Variants in UTP20 observed in about 807,000 individuals in gnomAD.
The protein encoded by UTP20 is small subunit processome component 20 homolog.
UTP20 carries 164 observed loss-of-function variants against 329.5 expected under a neutral mutation model. The observed-to-expected ratio is 0.50, with a 90% CI of 0.44 to 0.57. The LOEUF is 0.57. UTP20 is among the 20% of genes least tolerant of loss of function. The pLI is 0.00. For synonymous variants in UTP20, 1,151 were observed against 1,159.3 expected (o/e 0.99, Z 0.14); for missense variants, 3,055 against 3,284.2 (o/e 0.93, Z 1.71).
At chr12:101,381,082 T>C in intron 57 of UTP20, 58 bp from the exon 58 acceptor site, 1 of 1,445,850 alleles carries the variant, frequency 6.9e-7, no homozygotes, top group Non-Finnish European at 9.7e-7. Context: ...TTTAGCTTTT[T>C]AAAAACAATC....
chr12:101,332,147 G>A (rs1868779685), intron 27 of UTP20, among the ~76,000 whole-genome samples: 1 of 152,106 alleles, frequency 6.6e-6, no homozygotes, highest in Non-Finnish European at 1.5e-5. Flanking sequence ...AGACCAGCCT[G>A]ACCAACATGG....
Position 101,363,672 on chromosome 12 carries a change from G to A in UTP20, c.5887G>A (p.Asp1963Asn), listed in dbSNP as rs867034932. The A allele has an allele frequency of 5.0e-6, 8 of 1,613,210 alleles. No homozygotes were observed. The African/African-American group carries it at 5.3e-5, about 11-fold the overall frequency. ...GGAAGCACGAAGAAGCAAAAGTTAC[G>A]ACTCTTATGAAATCCTCGGCAAGTT... The part of the protein sequence containing the change: ...VMEARRSKSY[D>N]SYEILGKFVG... The change falls in exon 45 of 62, where the codon GAC (aspartate) becomes AAC (asparagine). Residue 1963 changes from aspartate (D) to asparagine (N), a missense_variant. By Grantham distance (23) the Asp-to-Asn change is conservative (BLOSUM62 1). Coordinates refer to ENST00000261637, the MANE Select transcript of UTP20 (RefSeq NM_014503.3).
At chr12:101,381,795 C>T (rs1870653441) in intron 58 of UTP20, among the ~76,000 whole-genome samples, 1 of 151,752 alleles carries the variant, frequency 6.6e-6, no homozygotes, top group Non-Finnish European at 1.5e-5. Flanking sequence ...GAGGCAGGTG[C>T]ATCACTTGAG....
chr12:101,351,831 G>A (rs569397098), intron 38 of UTP20, among the ~76,000 whole-genome samples: 1 of 152,236 alleles, frequency 6.6e-6, no homozygotes, highest in Admixed American at 6.5e-5. Context: ...AGGTCTGAGT[G>A]GAAAAGAGTC....
chr12:101,304,916 C>T (rs977254068), intron 15 of UTP20, among the ~76,000 whole-genome samples: 5 of 152,168 alleles, frequency 3.3e-5, no homozygotes, highest in East Asian at 1.9e-4. Flanking sequence ...ATGGCCTCCT[C>T]GATGTTCCTG....
rs2121068364 is a variant in UTP20 at position 101,383,122 on chromosome 12, G to C, written c.7738G>C (p.Glu2580Gln). The C allele has an allele frequency of 6.2e-7, 1 of 1,613,476 alleles. No homozygotes were observed. The highest frequency in any genetic ancestry group is 1.1e-5 in the South Asian group (1 of 91,014). ...YCEDKQSKIK[E>Q]DLEEQEALED... ...TGAGGATAAGCAAAGTAAGATAAAA[G>C]AAGACCTGGAAGAACAAGAAGCTTT... Residue 2580 changes from glutamate to glutamine, a missense_variant, in exon 59 of 62, where the codon GAA becomes CAA. By Grantham distance (29) the Glu-to-Gln change is conservative. Around this residue, in one of 3 missense-constraint regions of UTP20, gnomAD observed 337 missense variants for 345.5 expected, o/e 0.98. Transcript: ENST00000261637.
intron 20 of UTP20, 28 bp downstream of exon 20, chr12:101,311,826 C>T (rs374902937): frequency 2.0e-5 from 31 of 1,588,240 alleles, no homozygotes; most frequent in South Asian, 3.5e-5. Context: ...GAGGAAGCTG[C>T]GAAGAAAAGT....
rs762629718 is a variant in UTP20 at position 101,300,032 on chromosome 12, T to G, written c.1646T>G (p.Met549Arg). 19 of 1,614,228 alleles carry G rather than the reference T, an allele frequency of 1.2e-5. 1 individual carries two copies. The South Asian group carries it at 1.9e-4, about 16-fold the overall frequency. Residue 549 changes from methionine to arginine, a missense_variant, in exon 14 of 62, where the codon ATG becomes AGG. Around this residue, in one of 3 missense-constraint regions of UTP20, gnomAD observed 2,445 missense variants for 2,575.5 expected, o/e 0.95. Transcript: ENST00000261637. ...LVTGFIEALF[M>R]TVDKGSFGKG... The stretch of plus-strand genomic sequence containing the variant: ...ACCGGCTTCATAGAGGCACTCTTCA[T>G]GACTGTTGACAAAGGAAGCTTTGGG...
intron 12 of UTP20, among the ~76,000 whole-genome samples, chr12:101,297,382 A>C (rs1593421494): frequency 1.3e-5 from 2 of 151,982 alleles, no homozygotes; most frequent in South Asian, 4.2e-4. Context: ...TGCCCAGCTA[A>C]TTTTTTAATT....
chr12:101,379,603 T>C, intron 57 of UTP20, 45 bp downstream of exon 57: 6 of 1,563,412 alleles, frequency 3.8e-6, no homozygotes, highest in South Asian at 2.4e-5. Context: ...GACTGTAAGA[T>C]GTTCCTTCTG....
rs779263963 is a variant in UTP20 at position 101,369,900 on chromosome 12, T to C, written c.6555+9T>C. Reference sequence around the variant, plus strand: ...TGGTCAATTGTTTCAAGGTGAGATGTCTTCACTTGCCCTTGGAAAAAGCCA... The same window carrying C: ...TGGTCAATTGTTTCAAGGTGAGATGCCTTCACTTGCCCTTGGAAAAAGCCA... On this transcript the variant is annotated intron_variant, in intron 49 of 61. Transcript: ENST00000261637. The C allele has an allele frequency of 2.5e-6, 4 of 1,612,664 alleles. No individual in the cohort carries two copies. The highest frequency in any genetic ancestry group is 3.4e-6 in the Non-Finnish European group (4 of 1,179,442).
Position 101,357,046 on chromosome 12 carries a change from A to G in UTP20, c.5655A>G (p.Leu1885=), listed in dbSNP as rs1565803360. The change falls in exon 43 of 62, where the codon TTA becomes TTG. Residue 1885 remains leucine (L), a synonymous_variant. Coordinates refer to ENST00000261637, the MANE Select transcript of UTP20 (RefSeq NM_014503.3). ...GTGTGCACTTCCTCCTATATGTTTTAAAAGAATTACAGACTACTCTTGTCC... is the reference window on the plus strand; with the variant it reads ...GTGTGCACTTCCTCCTATATGTTTTGAAAGAATTACAGACTACTCTTGTCC... ...DLGVHFLLYV[L]KELQTTLVRG... The G allele has an allele frequency of 2.5e-6, 4 of 1,613,612 alleles. No homozygotes were observed. Among genetic ancestry groups the G allele is most frequent in the Non-Finnish European group, 3.4e-6 (4 of 1,179,824 alleles).
rs376683833 is a variant in UTP20 at position 101,315,065 on chromosome 12, C to T, written c.2553-2413C>T. ...CGAGATCGTGCCACGGCACTCCAAC[C>T]TGGGCAACAGAGACAGAACGAGACT... On this transcript the variant is annotated intron_variant, in intron 21 of 61. Coordinates refer to ENST00000261637, the MANE Select transcript of UTP20 (RefSeq NM_014503.3). 1.4e-3 allele frequency among the ~76,000 whole-genome samples: 219 copies of T among 152,264 alleles called. 1 individual carries two copies. Among genetic ancestry groups the T allele is most frequent in the African/African-American group, 4.5e-3 (185 of 41,548 alleles).
At chr12:101,378,625 AG>A (rs1158334884) in intron 56 of UTP20, among the ~76,000 whole-genome samples, 2 of 152,000 alleles carry the variant, frequency 1.3e-5, no homozygotes, top group Non-Finnish European at 2.9e-5. Flanking sequence ...AGGCTGAGGC[AG>A]GGGGATTGCT....
intron 19 of UTP20, 112 bp from the exon 20 acceptor site, chr12:101,311,607 A>G (rs1336969927): frequency 2.1e-6 from 2 of 949,492 alleles, no homozygotes; most frequent in African/African-American, 3.3e-5. Context: ...ACATTGAGGG[A>G]TAACCTAATT....
chr12:101,286,380 T>G lies in UTP20; in HGVS notation c.386T>G (p.Phe129Cys). 6.2e-7 allele frequency: 1 copy of G among 1,613,864 alleles called. No individual in the cohort carries two copies. Among genetic ancestry groups the G allele is most frequent in the African/African-American group, 1.3e-5 (1 of 74,994 alleles). ...QMDFYPHFPE[F>C]FLTITSILET... ...GATTTCTACCCACACTTTCCAGAGT[T>G]TTTTTTGACTATCACCTCGATCCTG... The change falls in exon 5 of 62, where the codon TTT (phenylalanine) becomes TGT (cysteine). Residue 129 changes from phenylalanine to cysteine, a missense_variant. This residue lies in a region of UTP20 where 2,445 missense variants were observed against 2,575.5 expected (regional missense o/e 0.95). Transcript: ENST00000261637.
rs542924059 is a variant in UTP20, at chr12:101,381,458, C to T, written c.7656+247C>T. Among the ~76,000 whole-genome samples the T allele has an allele frequency of 4.6e-5, 7 of 152,142 alleles. No homozygotes were observed. In the East Asian group the frequency reaches 5.8e-4, roughly 13 times the overall value. On this transcript the variant is annotated intron_variant, in intron 58 of 61. Transcript: ENST00000261637. Reference sequence around the variant, plus strand: ...GCTGAGGCAGGGAGAATTGCTTGAACGTGGGAGGCGGAGGATGCAGTAAGC... The same window carrying T: ...GCTGAGGCAGGGAGAATTGCTTGAATGTGGGAGGCGGAGGATGCAGTAAGC...
chr12:101,313,568 G>C (rs770141037), intron 21 of UTP20, among the ~76,000 whole-genome samples: 1 of 152,176 alleles, frequency 6.6e-6, no homozygotes, highest in Non-Finnish European at 1.5e-5. Flanking sequence ...GCAAGTCCAA[G>C]CAAGAAGTGA....
At chr12:101,293,826 C>T (rs138964737) in intron 11 of UTP20, among the ~76,000 whole-genome samples, 187 of 152,276 alleles carry the variant, frequency 1.2e-3, no homozygotes, top group African/African-American at 4.1e-3. Context: ...GAAGACTCTT[C>T]ATCTTGCTCT....
Sources: allele counts gnomAD v4.1 joint callset (sites outside exome capture counted in the v4.1 genomes callset), GRCh38; gene constraint gnomAD v4.1.1; regional missense constraint gnomAD v4.1.1; transcripts MANE v1.5; gene names NCBI Gene and HGNC (gene_info 2026-07-23, HGNC 2026-07-21).